CAST: variants seen among roughly 807,000 people sequenced by gnomAD.
The protein encoded by CAST is calpastatin, also known as MIR583 host.
Under a neutral mutation model 119.6 loss-of-function variants are expected in CAST, and 76 were observed. That is an observed-to-expected ratio of 0.64 (90% CI 0.53 to 0.77). The LOEUF (loss-of-function observed/expected upper bound fraction) is 0.77, where lower values mean the gene tolerates loss of function less well. Ranked by LOEUF, CAST falls within the 30% of genes least tolerant of loss-of-function variation. The pLI, the probability that CAST is intolerant of heterozygous loss-of-function variation, is 0.00. For missense variants in CAST, 953 were observed against 946.5 expected, an observed-to-expected ratio of 1.01 and a Z score of -0.09; for synonymous variants, 319 against 331.6, an observed-to-expected ratio of 0.96 and a Z score of 0.41.
At chr5:96,681,671 T>G (rs1001965780) in intron 2 of CAST, among the ~76,000 whole-genome samples, 3 of 144,802 alleles carry the variant, frequency 2.1e-5, no homozygotes, top group Non-Finnish European at 3.0e-5. Context: ...AGGCGGAGCT[T>G]GCAGTGAGCC....
the CAST span, among the ~76,000 whole-genome samples, chr5:96,046,046 G>A: frequency 6.6e-6 from 1 of 152,032 alleles, no homozygotes; most frequent in Non-Finnish European, 1.5e-5. Context: ...GCATATTTCA[G>A]GCAGAAAAAA....
chr5:96,617,555 C>T (rs915262054), intron 1 of CAST, among the ~76,000 whole-genome samples: 8 of 151,834 alleles, frequency 5.3e-5, no homozygotes, highest in East Asian at 3.9e-4. Flanking sequence ...TTTGGGAGGC[C>T]AAGGCGGGCG....
intron 1 of CAST, among the ~76,000 whole-genome samples, chr5:96,595,022 G>A (rs1360922694): frequency 1.3e-5 from 2 of 152,216 alleles, no homozygotes; most frequent in African/African-American, 2.4e-5. Flanking sequence ...CCAATTCCCC[G>A]GTCAATTGGC....
At chr5:96,664,409 A>G (rs1749045029) in intron 1 of CAST, among the ~76,000 whole-genome samples, 1 of 151,344 alleles carries the variant, frequency 6.6e-6, no homozygotes, top group Non-Finnish European at 1.5e-5. Context: ...AAATATATAT[A>G]TATATGCACA....
chr5:96,631,783 C>T (rs1385317988), intron 1 of CAST, among the ~76,000 whole-genome samples: 3 of 152,062 alleles, frequency 2.0e-5, no homozygotes, highest in Admixed American at 1.3e-4. Flanking sequence ...CCACCCGCCT[C>T]GGCCTCCCAA....
the CAST span, among the ~76,000 whole-genome samples, chr5:96,218,039 G>A: frequency 6.6e-6 from 1 of 152,094 alleles, no homozygotes; most frequent in Non-Finnish European, 1.5e-5. Flanking sequence ...AGTTCTGGGG[G>A]GTGGCCTCTG....
At chr5:96,364,204 G>A in the CAST span, among the ~76,000 whole-genome samples, 1 of 152,158 alleles carries the variant, frequency 6.6e-6, no homozygotes, top group Non-Finnish European at 1.5e-5. Context: ...TGGTGAATAA[G>A]CCTTTTGATG....
intron 1 of CAST, among the ~76,000 whole-genome samples, chr5:96,675,157 A>G (rs1475549505): frequency 6.6e-6 from 1 of 152,210 alleles, no homozygotes; most frequent in African/African-American, 2.4e-5. Context: ...AATTGAGTCC[A>G]TGCTGAACTG....
chr5:96,100,175 G>C, the CAST span, among the ~76,000 whole-genome samples: 3 of 152,030 alleles, frequency 2.0e-5, no homozygotes, highest in African/African-American at 4.8e-5. Context: ...TGCAGGTTTA[G>C]CCTCTTTCTT....
chr5:96,727,594 T>A, intron 6 of CAST, 64 bp downstream of exon 6: 1 of 1,083,670 alleles, frequency 9.2e-7, no homozygotes, highest in Non-Finnish European at 1.4e-6. Context: ...AATAATCAAC[T>A]TCCTGCCTTG....
the CAST span, among the ~76,000 whole-genome samples, chr5:96,169,614 C>G: frequency 6.6e-6 from 1 of 151,956 alleles, no homozygotes; most frequent in Non-Finnish European, 1.5e-5. Context: ...CCTTTTAAAG[C>G]GTGCTGTGGG....
At chr5:96,605,147 C>T (rs534875060) in intron 1 of CAST, among the ~76,000 whole-genome samples, 1 of 152,314 alleles carries the variant, frequency 6.6e-6, no homozygotes, top group African/African-American at 2.4e-5. Context: ...GAGAAGGATA[C>T]ATTTAGGTTT....
intron 1 of CAST, among the ~76,000 whole-genome samples, chr5:96,570,103 C>T (rs769247726): frequency 1.3e-5 from 2 of 152,178 alleles, no homozygotes; most frequent in Non-Finnish European, 2.9e-5. Context: ...TTTCACAGCA[C>T]CGTGGTTGAG....
chr5:96,168,684 G>A, the CAST span, among the ~76,000 whole-genome samples: 1 of 152,110 alleles, frequency 6.6e-6, no homozygotes, highest in Admixed American at 6.6e-5. Context: ...AGGAAATATG[G>A]GGAAATGGGG....
chr5:96,532,928 G>A (rs1442818706), intron 1 of CAST, among the ~76,000 whole-genome samples: 2 of 151,978 alleles, frequency 1.3e-5, no homozygotes, highest in Non-Finnish European at 2.9e-5. Context: ...GAGAGGCTGA[G>A]GTGGGAGGAT....
chr5:96,091,297 G>C, the CAST span, among the ~76,000 whole-genome samples: 1 of 151,560 alleles, frequency 6.6e-6, no homozygotes, highest in Non-Finnish European at 1.5e-5. Flanking sequence ...CTACCTCCCA[G>C]GTTCAAGCGA....
chr5:96,040,384 C>T, the CAST span, among the ~76,000 whole-genome samples: 1 of 152,116 alleles, frequency 6.6e-6, no homozygotes, highest in Non-Finnish European at 1.5e-5. Context: ...TGCCTGACTG[C>T]CCTGGCCAGG....
At chr5:96,585,615 T>A (rs541370353) in intron 1 of CAST, among the ~76,000 whole-genome samples, 1 of 152,276 alleles carries the variant, frequency 6.6e-6, no homozygotes, top group South Asian at 2.1e-4. Context: ...AACACATCTA[T>A]GATTAACTGC....
At chr5:96,588,882 G>T (rs544405504) in intron 1 of CAST, among the ~76,000 whole-genome samples, 3 of 152,246 alleles carry the variant, frequency 2.0e-5, no homozygotes, top group Non-Finnish European at 4.4e-5. Flanking sequence ...TTTTAGTTCT[G>T]CTTAGGAAGA....
Sources: gnomAD v4.1 joint callset for allele counts (sites outside exome capture counted in the v4.1 genomes callset) on GRCh38, gnomAD v4.1.1 for gene constraint, MANE v1.5 for transcripts, NCBI Gene and HGNC (gene_info 2026-07-23, HGNC 2026-07-21) for gene names.